Variants in LOC400499 observed in about 807,000 individuals in gnomAD.
chr16:11,508,766 C>T, the LOC400499 span: 3 of 398,950 alleles, frequency 7.5e-6, no homozygotes, highest in Non-Finnish European at 1.3e-5. Context: ...AATGTGGCTG[C>T]GGTGGCCACC....
At chr16:11,416,246 G>A in the LOC400499 span, among the ~76,000 whole-genome samples, 1 of 151,960 alleles carries the variant, frequency 6.6e-6, no homozygotes, top group African/African-American at 2.4e-5. Context: ...CATTGCACCC[G>A]GCCCCCAAAA....
chr16:11,436,580 G>GC, the LOC400499 span, among the ~76,000 whole-genome samples: 1 of 146,116 alleles, frequency 6.8e-6, no homozygotes, highest in African/African-American at 2.5e-5. Flanking sequence ...CACAGGAAAA[G>GC]TTTTTTTTTT....
At chr16:11,420,787 C>T in the LOC400499 span, among the ~76,000 whole-genome samples, 1 of 152,164 alleles carries the variant, frequency 6.6e-6, no homozygotes, top group Non-Finnish European at 1.5e-5. Flanking sequence ...AGAAACGCAG[C>T]ATCTCAGGCC....
At chr16:11,507,678 T>C in the LOC400499 span, among the ~76,000 whole-genome samples, 10 of 152,182 alleles carry the variant, frequency 6.6e-5, no homozygotes, top group East Asian at 1.7e-3. Flanking sequence ...ACGCCTGTAA[T>C]CCCAACACCT....
the LOC400499 span, among the ~76,000 whole-genome samples, chr16:11,501,562 T>C: frequency 6.6e-6 from 1 of 152,190 alleles, no homozygotes; most frequent in African/African-American, 2.4e-5. Context: ...ATTGCTATGT[T>C]GCCCAGGCTG....
At chr16:11,496,223 C>G in the LOC400499 span, among the ~76,000 whole-genome samples, 1 of 152,098 alleles carries the variant, frequency 6.6e-6, no homozygotes, top group South Asian at 2.1e-4. Context: ...TCTGCCACCA[C>G]GCCTGGCTAA....
chr16:11,467,070 A>G, the LOC400499 span: 1 of 155,384 alleles, frequency 6.4e-6, no homozygotes, highest in Non-Finnish European at 1.4e-5. Flanking sequence ...CTTCTGCCTC[A>G]GCCTCCCAAG....
At chr16:11,425,194 A>G in the LOC400499 span, 1 of 398,990 alleles carries the variant, frequency 2.5e-6, no homozygotes, top group Non-Finnish European at 4.4e-6. Flanking sequence ...GGGCCCCAGG[A>G]GCAGGCGCCA....
At chr16:11,395,736 G>A in the LOC400499 span, among the ~76,000 whole-genome samples, 7 of 152,360 alleles carry the variant, frequency 4.6e-5, no homozygotes, top group East Asian at 7.7e-4. Context: ...CTCAGCAAAC[G>A]AAAGTCACGA....
the LOC400499 span, among the ~76,000 whole-genome samples, chr16:11,520,148 G>A: frequency 6.6e-6 from 1 of 152,184 alleles, no homozygotes; most frequent in Non-Finnish European, 1.5e-5. Context: ...TGATGAAAAA[G>A]TTCTAGAGAT....
the LOC400499 span, among the ~76,000 whole-genome samples, chr16:11,482,564 G>A: frequency 2.0e-5 from 3 of 152,170 alleles, no homozygotes; most frequent in Admixed American, 1.3e-4. Flanking sequence ...CACAGACTGG[G>A]AGAAAATATT....
At chr16:11,457,021 C>T in the LOC400499 span, 61 of 1,530,436 alleles carry the variant, frequency 4.0e-5, no homozygotes, top group Non-Finnish European at 5.1e-5. Context: ...ACCTGCCTCT[C>T]AGGCACCTGC....
chr16:11,493,753 G>A, the LOC400499 span: 6 of 394,468 alleles, frequency 1.5e-5, no homozygotes, highest in African/African-American at 6.4e-5. Context: ...GAGAGCCATG[G>A]CTGCCAAGCC....
the LOC400499 span, among the ~76,000 whole-genome samples, chr16:11,403,344 C>A: frequency 6.6e-6 from 1 of 152,216 alleles, no homozygotes; most frequent in Non-Finnish European, 1.5e-5. Context: ...CCCGCTGACC[C>A]CACCTGCAAC....
At chr16:11,451,999 T>A in the LOC400499 span, among the ~76,000 whole-genome samples, 1 of 152,114 alleles carries the variant, frequency 6.6e-6, no homozygotes, top group African/African-American at 2.4e-5. Flanking sequence ...AGTTGCTTGA[T>A]TGACAGGGAA....
At chr16:11,453,272 T>C in the LOC400499 span, among the ~76,000 whole-genome samples, 1 of 152,182 alleles carries the variant, frequency 6.6e-6, no homozygotes, top group Non-Finnish European at 1.5e-5. Flanking sequence ...AACTGCTGGT[T>C]TTAATTAAGT....
the LOC400499 span, among the ~76,000 whole-genome samples, chr16:11,501,781 A>G: frequency 6.6e-6 from 1 of 152,104 alleles, no homozygotes; most frequent in Non-Finnish European, 1.5e-5. Context: ...TGCTAATTCC[A>G]GCAAGAGGGT....
chr16:11,517,445 T>C, the LOC400499 span, among the ~76,000 whole-genome samples: 1 of 152,106 alleles, frequency 6.6e-6, no homozygotes, highest in Non-Finnish European at 1.5e-5. Context: ...CCCCTACAGA[T>C]CCCACCAGGG....
chr16:11,425,940 C>G, the LOC400499 span, among the ~76,000 whole-genome samples: 1 of 152,100 alleles, frequency 6.6e-6, no homozygotes, highest in African/African-American at 2.4e-5. Context: ...CAGACACCAA[C>G]TTTCTTAACA....
Sources: gnomAD v4.1 joint callset for allele counts (sites outside exome capture counted in the v4.1 genomes callset) on GRCh38, gnomAD v4.1.1 for gene constraint, MANE v1.5 for transcripts.